The following RSU1 variants were observed in gnomAD, a reference collection of about 807,000 sequenced individuals.
RSU1 encodes Ras suppressor protein 1, also known as rsu-1.
Under a neutral mutation model 31.1 loss-of-function variants are expected in RSU1, and 26 were observed. The observed-to-expected ratio is 0.84, with a 90% CI of 0.61 to 1.16. RSU1 has a LOEUF of 1.16. RSU1 is among the 50% of genes most tolerant of loss of function. The pLI, the probability that RSU1 is intolerant of heterozygous loss-of-function variation, is 0.00. For missense variants in RSU1, 320 were observed against 339.1 expected, an observed-to-expected ratio of 0.94 and a Z score of 0.44; for synonymous variants, 164 against 136.3, an observed-to-expected ratio of 1.20 and a Z score of -1.41.
intron 8 of RSU1, among the ~76,000 whole-genome samples, chr10:16,601,424 C>G (rs185056188): frequency 6.6e-6 from 1 of 152,220 alleles, no homozygotes; most frequent in African/African-American, 2.4e-5. Flanking sequence ...CCACAGTTTT[C>G]ATCAGCTCCT....
intron 7 of RSU1, among the ~76,000 whole-genome samples, chr10:16,727,583 C>A (rs770556552): frequency 6.6e-6 from 1 of 152,126 alleles, no homozygotes; most frequent in Non-Finnish European, 1.5e-5. Context: ...CTGTTTTTGG[C>A]GCAAGTTCTG....
intron 2 of RSU1, among the ~76,000 whole-genome samples, chr10:16,815,251 T>G (rs944225553): frequency 6.6e-6 from 1 of 152,206 alleles, no homozygotes; most frequent in Non-Finnish European, 1.5e-5. Context: ...GGCTAACTAG[T>G]ACACAACCTA....
chr10:16,751,592 T>C (rs916499205), intron 7 of RSU1, among the ~76,000 whole-genome samples: 3 of 152,224 alleles, frequency 2.0e-5, no homozygotes, highest in Non-Finnish European at 2.9e-5. Flanking sequence ...GTCAGTGTTT[T>C]CTGAGCACCT....
intron 2 of RSU1, among the ~76,000 whole-genome samples, chr10:16,794,834 T>C (rs1211730296): frequency 5.9e-5 from 9 of 152,148 alleles, no homozygotes; most frequent in Admixed American, 5.2e-4. Flanking sequence ...CTATCTAGAA[T>C]AAAATAAGAC....
intron 7 of RSU1, among the ~76,000 whole-genome samples, chr10:16,745,948 T>C (rs3780986): frequency 8.5e-4 from 129 of 152,240 alleles, no homozygotes; most frequent in African/African-American, 3.0e-3. Context: ...AGGGACTTAA[T>C]TGACCAAACA....
chr10:16,776,808 T>TA (rs1299409603), intron 3 of RSU1, among the ~76,000 whole-genome samples: 13,110 of 139,214 alleles, frequency 0.094, 1,884 homozygotes, highest in African/African-American at 0.31. Context: ...TCACAAAATT[T>TA]AAAAAAAAAA....
intron 8 of RSU1, among the ~76,000 whole-genome samples, chr10:16,618,246 T>C (rs1410272060): frequency 6.6e-6 from 1 of 152,188 alleles, no homozygotes; most frequent in Admixed American, 6.5e-5. Context: ...CCACTGGTCA[T>C]TAGAGAATGC....
chr10:16,699,243 G>T (rs186093024), intron 7 of RSU1, among the ~76,000 whole-genome samples: 25 of 152,282 alleles, frequency 1.6e-4, no homozygotes, highest in Admixed American at 3.3e-4. Flanking sequence ...TCAACTTAAT[G>T]TCACCGGTGG....
At chr10:16,598,987 A>G (rs1179479591) in intron 8 of RSU1, among the ~76,000 whole-genome samples, 1 of 152,226 alleles carries the variant, frequency 6.6e-6, no homozygotes, top group African/African-American at 2.4e-5. Flanking sequence ...CAAAGGAAAA[A>G]TGGGTGTTGT....
At chr10:16,665,277 T>C (rs946316451) in intron 8 of RSU1, among the ~76,000 whole-genome samples, 4 of 152,162 alleles carry the variant, frequency 2.6e-5, no homozygotes, top group African/African-American at 9.6e-5. Context: ...CATTATCTCA[T>C]ACACTCTTTC....
rs1411855183 is a variant in RSU1, at chr10:16,593,103, C to G, written c.*291G>C. Reference sequence around the variant, plus strand: ...TTGATAATAAGCAACCTTGTGATATCTATTCAAGAAAAGCCAGAGCCCACT... The same window carrying G: ...TTGATAATAAGCAACCTTGTGATATGTATTCAAGAAAAGCCAGAGCCCACT... On this transcript the variant is annotated 3_prime_UTR_variant, in exon 9 of 9. Coordinates refer to ENST00000345264, the MANE Select transcript of RSU1 (RefSeq NM_012425.4). 7.0e-6 allele frequency: 2 copies of G among 286,926 alleles called. No homozygotes were observed. Among genetic ancestry groups the G allele is most frequent in the Non-Finnish European group, 1.3e-5 (2 of 155,912 alleles). 17.8% of individuals were successfully genotyped at this position (286,926 alleles called of 1,614,324 possible).
At position 16,695,157 on chromosome 10, in the gene RSU1, T is replaced by TGGC. The variant is rs1554767082; in HGVS notation, c.599-3_599-2insGCC. ...TCTGGCCAGTTAAATCCAAGTTTCC[T>TGGC]GGGGGGGGGGAAAAAAAAAGTGAAG... On this transcript the variant is annotated splice_polypyrimidine_tract_variant and splice_region_variant and intron_variant, in intron 7 of 8. Coordinates refer to ENST00000345264, the MANE Select transcript of RSU1 (RefSeq NM_012425.4). The TGGC allele has an allele frequency of 1.7e-5, 21 of 1,204,654 alleles. No homozygotes were observed. Among genetic ancestry groups the TGGC allele is most frequent in the African/African-American group, 6.7e-5 (4 of 60,118 alleles). The allele number at this position is 1,204,654 out of a possible 1,614,324, so 74.6% of individuals were successfully genotyped here.
At chr10:16,773,096 A>T (rs1308216669) in intron 3 of RSU1, among the ~76,000 whole-genome samples, 3 of 151,772 alleles carry the variant, frequency 2.0e-5, no homozygotes, top group Non-Finnish European at 4.4e-5. Context: ...GCTACTCCGG[A>T]GGCTGAGGTG....
intron 8 of RSU1, among the ~76,000 whole-genome samples, chr10:16,628,276 T>C (rs2131487515): frequency 6.6e-6 from 1 of 152,252 alleles, no homozygotes; most frequent in East Asian, 1.9e-4. Context: ...TGCTTTGACC[T>C]TCTGTAAGAA....
rs1477076724 is a variant in RSU1, at chr10:16,645,913, T to TATATACATCTATGTATATATAC, written c.731+49109_731+49110insGTATATATACATAGATGTATAT. Reference sequence around the variant, plus strand: ...ATATATGTATATACACATATATGTATATATATGTGTATATACACATATGTG... The same window carrying TATATACATCTATGTATATATAC: ...ATATATGTATATACACATATATGTATATATACATCTATGTATATATACATATATGTGTATATACACATATGTG... On this transcript the variant is annotated intron_variant, in intron 8 of 8. Coordinates refer to ENST00000345264, the MANE Select transcript of RSU1 (RefSeq NM_012425.4). Among the ~76,000 whole-genome samples, 13 of 38,216 alleles carry TATATACATCTATGTATATATAC rather than the reference T, an allele frequency of 3.4e-4. 3 individuals carry two copies. Among genetic ancestry groups the TATATACATCTATGTATATATAC allele is most frequent in the African/African-American group, 1.5e-3 (13 of 8,836 alleles). The allele number at this position is 38,216 out of a possible 152,430, so 25.1% of individuals were successfully genotyped here.
intron 7 of RSU1, among the ~76,000 whole-genome samples, chr10:16,695,678 T>G (rs180826330): frequency 3.7e-4 from 56 of 152,316 alleles, no homozygotes; most frequent in African/African-American, 1.3e-3. Context: ...TGAATCTCAT[T>G]AACATGGCAG....
At chr10:16,689,097 G>A (rs1008629152) in intron 8 of RSU1, among the ~76,000 whole-genome samples, 33 of 151,862 alleles carry the variant, frequency 2.2e-4, no homozygotes, top group African/African-American at 8.0e-4. Flanking sequence ...CTTAATTTGA[G>A]CTATTTTCAG....
intron 2 of RSU1, among the ~76,000 whole-genome samples, chr10:16,797,715 T>A (rs1026556158): frequency 2.6e-5 from 4 of 151,670 alleles, no homozygotes; most frequent in African/African-American, 7.3e-5. Flanking sequence ...AATTCAGCAA[T>A]AAAGGGACAA....
chr10:16,708,998 GTTT>G (rs35261569), intron 7 of RSU1, among the ~76,000 whole-genome samples: 3 of 142,682 alleles, frequency 2.1e-5, no homozygotes, highest in Non-Finnish European at 4.6e-5. Flanking sequence ...GAGTCCTTTG[GTTT>G]TTTTTTTTTA....
Sources: allele counts gnomAD v4.1 joint callset (sites outside exome capture counted in the v4.1 genomes callset), GRCh38; gene constraint gnomAD v4.1.1; transcripts MANE v1.5; gene names NCBI Gene and HGNC (gene_info 2026-07-23, HGNC 2026-07-21).